BARD1: variants seen among roughly 807,000 people sequenced by gnomAD.
BARD1 encodes BRCA1-associated RING domain protein 1.
BARD1 carries 73 observed loss-of-function variants against 77.0 expected under a neutral mutation model. The observed-to-expected ratio is 0.95, with a 90% confidence interval of 0.79 to 1.15. The LOEUF is 1.15. BARD1 is among the 50% of genes most tolerant of loss of function. The pLI is 0.00. For synonymous variants in BARD1, 384 were observed against 338.0 expected (o/e 1.14, Z -1.49); for missense variants, 993 against 938.8 (o/e 1.06, Z -0.75).
intron 7 of BARD1, 75 bp from the exon 8 acceptor site, chr2:214,745,929 T>G: frequency 6.6e-7 from 1 of 1,516,822 alleles, no homozygotes; most frequent in Non-Finnish European, 9.1e-7. Context: ...GACTGTTACT[T>G]GATATAAGCT....
Position 214,752,241 on chromosome 2 carries a change from A to G in BARD1, c.1677+206T>C, listed in dbSNP as rs115828789. ...ATTCATTGTTTTATGAATGCTGCCTAAAATACAGAGTGGGCTCAATAAGTA... is the reference window on the plus strand; with the variant it reads ...ATTCATTGTTTTATGAATGCTGCCTGAAATACAGAGTGGGCTCAATAAGTA... On this transcript the variant is annotated intron_variant, in intron 7 of 10. Coordinates refer to ENST00000260947, the MANE Select transcript of BARD1 (RefSeq NM_000465.4). Among the ~76,000 whole-genome samples, 605 of 152,328 alleles carry G rather than the reference A, an allele frequency of 4.0e-3. 1 individual carries two copies. Among genetic ancestry groups the G allele is most frequent in the African/African-American group, 0.013 (558 of 41,572 alleles).
chr2:214,792,185 T>A (rs1695545947), intron 3 of BARD1, 112 bp downstream of exon 3: 50 of 863,756 alleles, frequency 5.8e-5, no homozygotes, highest in Non-Finnish European at 7.7e-5. Flanking sequence ...GATTTTAAAA[T>A]CTGAAATACG....
intron 7 of BARD1, among the ~76,000 whole-genome samples, chr2:214,750,341 T>G (rs1693348769): frequency 6.6e-6 from 1 of 152,122 alleles, no homozygotes; most frequent in Non-Finnish European, 1.5e-5. Flanking sequence ...GGTACCCTAT[T>G]AAGTCTAAAC....
intron 6 of BARD1, among the ~76,000 whole-genome samples, chr2:214,752,773 GTAT>G (rs561056927): frequency 7.8e-4 from 118 of 152,180 alleles, no homozygotes; most frequent in South Asian, 6.4e-3. Context: ...ACTGAATATA[GTAT>G]TATGAATTTT....
chr2:214,771,563 C>T (rs530748495), intron 4 of BARD1, among the ~76,000 whole-genome samples: 1 of 151,666 alleles, frequency 6.6e-6, no homozygotes, highest in Non-Finnish European at 1.5e-5. Flanking sequence ...TCCCGTCTCT[C>T]CTAAAAACAC....
intron 6 of BARD1, among the ~76,000 whole-genome samples, chr2:214,755,950 A>G (rs1194925744): frequency 6.6e-6 from 1 of 152,244 alleles, no homozygotes; most frequent in Non-Finnish European, 1.5e-5. Flanking sequence ...ACGACAGTAT[A>G]TTAATATCTT....
intron 9 of BARD1, among the ~76,000 whole-genome samples, chr2:214,736,815 T>C (rs1469417323): frequency 1.3e-5 from 2 of 152,128 alleles, no homozygotes; most frequent in East Asian, 1.9e-4. Context: ...ATGGGAGTTA[T>C]GTAGTAAGTT....
At chr2:214,787,103 A>G (rs1377963687) in intron 3 of BARD1, among the ~76,000 whole-genome samples, 3 of 151,832 alleles carry the variant, frequency 2.0e-5, no homozygotes, top group Admixed American at 6.6e-5. Flanking sequence ...CACAGATGAC[A>G]TTTTCAATTA....
At chr2:214,737,795 A>G (rs1195617479) in intron 9 of BARD1, among the ~76,000 whole-genome samples, 1 of 152,186 alleles carries the variant, frequency 6.6e-6, no homozygotes, top group Non-Finnish European at 1.5e-5. Context: ...AAGTTAAGCA[A>G]TCTGCAGCAA....
rs1553622386 is a variant in BARD1, at chr2:214,781,009, G to C, written c.865C>G (p.Pro289Ala). The change falls in exon 4 of 11, where the codon CCA (proline) becomes GCA (alanine). Residue 289 changes from proline to alanine, a missense_variant. By Grantham distance (27) the Pro-to-Ala change is conservative (BLOSUM62 -1). Transcript: ENST00000260947. Reference sequence around the variant, plus strand: ...ACTTCATTCCTGCTCTTAGTGTCTGGAGACTCTATTTGCTCAGCCAATGGT... The same window carrying C: ...ACTTCATTCCTGCTCTTAGTGTCTGCAGACTCTATTTGCTCAGCCAATGGT... ...SLPLAEQIES[P>A]DTKSRNEVVT... is the part of the protein sequence containing the mutation. The C allele has an allele frequency of 6.2e-7, 1 of 1,612,942 alleles. No homozygotes were observed. The highest frequency in any genetic ancestry group is 8.5e-7 in the Non-Finnish European group (1 of 1,179,470).
chr2:214,785,033 A>G (rs993767805), intron 3 of BARD1, among the ~76,000 whole-genome samples: 1 of 150,826 alleles, frequency 6.6e-6, no homozygotes, highest in African/African-American at 2.5e-5. Context: ...AAAAAAAAAA[A>G]AAGAAAGAAA....
chr2:214,745,172 A>G lies in BARD1; in HGVS notation c.1811-13T>C. 6.2e-7 allele frequency: 1 copy of G among 1,607,544 alleles called. No individual in the cohort carries two copies. Among genetic ancestry groups the G allele is most frequent in the African/African-American group, 1.3e-5 (1 of 74,904 alleles). On this transcript the variant is annotated splice_polypyrimidine_tract_variant and intron_variant, in intron 8 of 10. Coordinates refer to ENST00000260947, the MANE Select transcript of BARD1 (RefSeq NM_000465.4). ...ACAACATGAGTTACTAAAATACAAA[A>G]AAAGCAGTAAGAGAAAGAAAGATAC...
rs79316470 is a variant in BARD1 at position 214,790,660 on chromosome 2, T to C, written c.364+1637A>G. On this transcript the variant is annotated intron_variant, in intron 3 of 10. Transcript: ENST00000260947. ...GTTCTAGCAAATGAATACATTACTATACAGCAACTGGTGAAGAACCAAATC... is the reference window on the plus strand; with the variant it reads ...GTTCTAGCAAATGAATACATTACTACACAGCAACTGGTGAAGAACCAAATC... Among the ~76,000 whole-genome samples the C allele has an allele frequency of 3.4e-4, 52 of 152,304 alleles. 1 individual carries two copies. In the East Asian group the frequency reaches 0.01, roughly 29 times the overall value.
chr2:214,800,771 A>T (rs536480517), intron 1 of BARD1, among the ~76,000 whole-genome samples: 12 of 152,166 alleles, frequency 7.9e-5, no homozygotes, highest in Admixed American at 4.6e-4. Flanking sequence ...TACTTTTTTT[A>T]AAAAAAGGAA....
At chr2:214,804,419 A>G (rs1410652250) in intron 1 of BARD1, among the ~76,000 whole-genome samples, 1 of 152,230 alleles carries the variant, frequency 6.6e-6, no homozygotes, top group African/African-American at 2.4e-5. Context: ...GTTTTACTAA[A>G]TATATAACTG....
intron 9 of BARD1, among the ~76,000 whole-genome samples, chr2:214,732,596 C>T (rs941876363): frequency 2.0e-5 from 3 of 152,068 alleles, no homozygotes; most frequent in Non-Finnish European, 4.4e-5. Flanking sequence ...AGGCTTTCAT[C>T]GCGTTAGCCA....
At chr2:214,746,012 A>G (rs1306859000) in intron 7 of BARD1, among the ~76,000 whole-genome samples, 158 bp from the exon 8 acceptor site, 1 of 152,176 alleles carries the variant, frequency 6.6e-6, no homozygotes, top group African/African-American at 2.4e-5. Flanking sequence ...AACCTTTTAA[A>G]TAAATTTTTT....
chr2:214,757,161 A>T (rs1286100016), intron 6 of BARD1, among the ~76,000 whole-genome samples: 1 of 151,904 alleles, frequency 6.6e-6, no homozygotes, highest in Non-Finnish European at 1.5e-5. Flanking sequence ...TTTCCTTATA[A>T]ATTACCCAGT....
intron 1 of BARD1, among the ~76,000 whole-genome samples, chr2:214,806,266 A>AGATT (rs1696264315): frequency 6.6e-6 from 1 of 152,220 alleles, no homozygotes; most frequent in African/African-American, 2.4e-5. Flanking sequence ...TGTCAGCTGC[A>AGATT]AGCTGAATGT....
Sources: gnomAD v4.1 joint callset for allele counts (sites outside exome capture counted in the v4.1 genomes callset) on GRCh38, gnomAD v4.1.1 for gene constraint, MANE v1.5 for transcripts, NCBI Gene and HGNC (gene_info 2026-07-23, HGNC 2026-07-21) for gene names.